Variants in TPH2 observed in about 807,000 individuals in gnomAD.
The protein encoded by TPH2 is tryptophan 5-hydroxylase 2.
Under a neutral mutation model 59.1 loss-of-function variants are expected in TPH2, and 27 were observed. The observed-to-expected ratio is 0.46, with a 90% CI of 0.34 to 0.63. TPH2 has a LOEUF of 0.63. Among genes scored for constraint, TPH2 ranks in the 30% least tolerant of loss-of-function variants. TPH2 has a pLI of 0.01. For missense variants in TPH2, 523 were observed against 588.3 expected (o/e 0.89, Z 1.15); for synonymous variants, 220 against 210.5 (o/e 1.05, Z -0.39).
intron 8 of TPH2, among the ~76,000 whole-genome samples, chr12:72,015,849 G>T (rs980423136): frequency 6.6e-6 from 1 of 152,092 alleles, no homozygotes; most frequent in Non-Finnish European, 1.5e-5. Flanking sequence ...AGGGTGCGGG[G>T]GATGAAACCT....
intron 9 of TPH2, among the ~76,000 whole-genome samples, chr12:72,023,179 T>C (rs756825678): frequency 1.8e-4 from 27 of 152,170 alleles, no homozygotes; most frequent in Non-Finnish European, 3.2e-4. Flanking sequence ...CATGGGGGGA[T>C]AGCAAGTTTT....
chr12:71,956,974 T>C (rs1871526003), intron 5 of TPH2, among the ~76,000 whole-genome samples: 1 of 152,186 alleles, frequency 6.6e-6, no homozygotes, highest in East Asian at 1.9e-4. Flanking sequence ...GTGCTATCTG[T>C]ACAACTAATC....
At chr12:72,015,651 A>G (rs1480145712) in intron 8 of TPH2, among the ~76,000 whole-genome samples, 1 of 152,086 alleles carries the variant, frequency 6.6e-6, no homozygotes, top group African/African-American at 2.4e-5. Flanking sequence ...AACCAAAGCT[A>G]CAGCCGCTGA....
chr12:71,983,591 C>T (rs935724619), intron 7 of TPH2, among the ~76,000 whole-genome samples: 4 of 152,126 alleles, frequency 2.6e-5, no homozygotes, highest in African/African-American at 9.7e-5. Flanking sequence ...ATTGTGTGCT[C>T]TCTCATGCTA....
At chr12:71,993,843 A>G (rs1171820633) in intron 7 of TPH2, among the ~76,000 whole-genome samples, 4 of 152,166 alleles carry the variant, frequency 2.6e-5, no homozygotes, top group African/African-American at 7.2e-5. Context: ...TTGGATTCCA[A>G]TTTTGTCTTC....
chr12:71,954,202 CG>C (rs1871431854), intron 5 of TPH2, among the ~76,000 whole-genome samples: 1 of 152,102 alleles, frequency 6.6e-6, no homozygotes, highest in Admixed American at 6.5e-5. Flanking sequence ...TGCTAACTGT[CG>C]ATAGATGCCA....
At chr12:71,970,067 T>A (rs772363921) in intron 5 of TPH2, among the ~76,000 whole-genome samples, 2 of 152,234 alleles carry the variant, frequency 1.3e-5, no homozygotes, top group Non-Finnish European at 2.9e-5. Context: ...TTTCTGATTT[T>A]TTCTGTATTT....
chr12:71,947,157 T>C (rs572633193), intron 4 of TPH2, among the ~76,000 whole-genome samples: 9 of 152,314 alleles, frequency 5.9e-5, no homozygotes, highest in African/African-American at 1.9e-4. Flanking sequence ...TGAGAACTAA[T>C]GTCTTAATTA....
intron 6 of TPH2, among the ~76,000 whole-genome samples, chr12:71,977,874 A>C (rs2139207631): frequency 6.6e-6 from 1 of 152,354 alleles, no homozygotes; most frequent in East Asian, 1.9e-4. Flanking sequence ...CCATTTAAAA[A>C]TAGTCATGTG....
chr12:71,998,395 G>C (rs1486595276), intron 8 of TPH2, among the ~76,000 whole-genome samples: 8 of 152,086 alleles, frequency 5.3e-5, no homozygotes, highest in African/African-American at 1.9e-4. Flanking sequence ...GGAGGCTAAG[G>C]GAGATTGTTC....
chr12:71,965,179 C>T (rs998878948), intron 5 of TPH2: 3 of 152,210 alleles, frequency 2.0e-5, no homozygotes, highest in Admixed American at 2.0e-4. Context: ...CTCATGCAAT[C>T]TGTCACTGAT....
chr12:71,939,120 G>A (rs1870982791), intron 1 of TPH2, 29 bp downstream of exon 1: 1 of 1,564,950 alleles, frequency 6.4e-7, no homozygotes, highest in South Asian at 1.1e-5. Flanking sequence ...GCACTATGGA[G>A]AATTATTTTT....
chr12:71,998,882 A>G (rs1280482938), intron 8 of TPH2, among the ~76,000 whole-genome samples: 1 of 152,208 alleles, frequency 6.6e-6, no homozygotes. Context: ...CAGAACAATG[A>G]GACAGGCCAT....
At chr12:71,959,377 C>T (rs1428946098) in intron 5 of TPH2, among the ~76,000 whole-genome samples, 1 of 152,180 alleles carries the variant, frequency 6.6e-6, no homozygotes, top group African/African-American at 2.4e-5. Context: ...AGCTGTTTTG[C>T]TGCCCTGCTT....
chr12:71,978,743 T>C (rs1872189685), intron 6 of TPH2, among the ~76,000 whole-genome samples: 1 of 152,210 alleles, frequency 6.6e-6, no homozygotes, highest in Admixed American at 6.5e-5. Context: ...TGTTTTGTTC[T>C]CCTGGAAACC....
chr12:72,008,314 G>A (rs992101885), intron 8 of TPH2, among the ~76,000 whole-genome samples: 14 of 152,202 alleles, frequency 9.2e-5, no homozygotes, highest in African/African-American at 3.4e-4. Flanking sequence ...CTTAGATTGA[G>A]ATTCAGAAAC....
chr12:72,012,857 A>G (rs1873137077), intron 8 of TPH2, among the ~76,000 whole-genome samples: 1 of 152,174 alleles, frequency 6.6e-6, no homozygotes, highest in Admixed American at 6.5e-5. Context: ...GTAGTGTTAA[A>G]TAAGAAGTCA....
rs147614791 is a variant in TPH2 at position 71,960,951 on chromosome 12, G to A, written c.608+11296G>A. On this transcript the variant is annotated intron_variant, in intron 5 of 10. Coordinates refer to ENST00000333850, the MANE Select transcript of TPH2 (RefSeq NM_173353.4). Reference sequence around the variant, plus strand: ...ATTCATTTTTATACACCTGGAGGAAGAGAATCAACTATATTGAGTACCTAT... The same window carrying A: ...ATTCATTTTTATACACCTGGAGGAAAAGAATCAACTATATTGAGTACCTAT... 5.9e-5 allele frequency among the ~76,000 whole-genome samples: 9 copies of A among 152,340 alleles called. No homozygotes were observed. In the East Asian group the frequency reaches 1.7e-3, roughly 29 times the overall value.
chr12:72,030,742 A>G (rs937433218), intron 9 of TPH2, among the ~76,000 whole-genome samples: 5 of 152,048 alleles, frequency 3.3e-5, no homozygotes, highest in Non-Finnish European at 7.4e-5. Context: ...CCCACTCCAG[A>G]CTCTGTTGAT....
Sources: allele counts gnomAD v4.1 joint callset (sites outside exome capture counted in the v4.1 genomes callset), GRCh38; gene constraint gnomAD v4.1.1; transcripts MANE v1.5; gene names NCBI Gene and HGNC (gene_info 2026-07-23, HGNC 2026-07-21).